DDX10: variants seen among roughly 807,000 people sequenced by gnomAD.
DDX10 encodes DEAD-box helicase 10, also known as probable ATP-dependent RNA helicase DDX10.
Under a neutral mutation model 104.3 loss-of-function variants are expected in DDX10, and 74 were observed. The observed-to-expected ratio is 0.71, with a 90% CI of 0.59 to 0.86. The LOEUF (loss-of-function observed/expected upper bound fraction) is 0.86. DDX10 is among the 40% of genes least tolerant of loss of function. DDX10 has a pLI of 0.00. For synonymous variants in DDX10, 351 were observed against 353.4 expected (o/e 0.99, Z 0.08); for missense variants, 952 against 1,040.0 (o/e 0.92, Z 1.16).
chr11:108,788,377 T>C (rs1214808198), intron 13 of DDX10, among the ~76,000 whole-genome samples: 1 of 152,178 alleles, frequency 6.6e-6, no homozygotes, highest in Non-Finnish European at 1.5e-5. Flanking sequence ...TTTTTTCTTT[T>C]TTGAGCTGGA....
At chr11:108,833,871 A>G (rs1862509708) in intron 13 of DDX10, among the ~76,000 whole-genome samples, 1 of 152,218 alleles carries the variant, frequency 6.6e-6, no homozygotes. Flanking sequence ...ACAGAAAAGT[A>G]GTAAGAAGTA....
At chr11:108,673,652 A>G (rs1362862311) in intron 2 of DDX10, 125 bp downstream of exon 2, 6 of 651,550 alleles carry the variant, frequency 9.2e-6, no homozygotes, top group East Asian at 2.8e-5. Context: ...ATGAAAACCA[A>G]TGAAAATAAG....
intron 13 of DDX10, among the ~76,000 whole-genome samples, chr11:108,802,901 A>C (rs1862043005): frequency 6.6e-6 from 1 of 152,244 alleles, no homozygotes; most frequent in African/African-American, 2.4e-5. Context: ...TTGGGTGTAG[A>C]TACAACTCTT....
At chr11:108,842,076 A>G (rs1334131364) in intron 15 of DDX10, among the ~76,000 whole-genome samples, 1 of 152,216 alleles carries the variant, frequency 6.6e-6, no homozygotes, top group Non-Finnish European at 1.5e-5. Flanking sequence ...CATTAAATTT[A>G]TTATATTAAA....
intron 13 of DDX10, among the ~76,000 whole-genome samples, chr11:108,747,810 T>C (rs1306075162): frequency 2.0e-5 from 3 of 152,168 alleles, no homozygotes; most frequent in Non-Finnish European, 4.4e-5. Context: ...TTCCTCTTGC[T>C]GGAAACATTA....
At chr11:108,872,820 T>TTCTCC (rs1565305030) in intron 16 of DDX10, among the ~76,000 whole-genome samples, 1 of 145,114 alleles carries the variant, frequency 6.9e-6, no homozygotes, top group Admixed American at 7.0e-5. Context: ...TAATTTCCGT[T>TTCTCC]CCCCCCCCCT....
At chr11:108,694,830 G>A (rs2094257485) in intron 9 of DDX10, among the ~76,000 whole-genome samples, 1 of 152,072 alleles carries the variant, frequency 6.6e-6, no homozygotes, top group Middle Eastern at 3.2e-3. Flanking sequence ...GCAGTGAGCC[G>A]AGATCGCACC....
chr11:108,708,571 A>ATT lies in DDX10; in HGVS notation c.1322+1747_1322+1748dup, dbSNP rs202129373. On this transcript the variant is annotated intron_variant, in intron 10 of 17. Transcript: ENST00000322536. ...TTGCTGGTAAATTGGTGTTCATAGT[A>ATT]TTTTTTTTTTTTTTGAGACAGAGTC... Among the ~76,000 whole-genome samples the ATT allele has an allele frequency of 7.7e-3, 1,098 of 143,386 alleles. 27 individuals are homozygous for ATT. Among genetic ancestry groups the ATT allele is most frequent in the Admixed American group, 0.052 (758 of 14,458 alleles). The allele number at this position is 143,386 out of a possible 152,430, so 94.1% of individuals were successfully genotyped here.
At chr11:108,863,593 C>T (rs1372322565) in intron 16 of DDX10, among the ~76,000 whole-genome samples, 1 of 152,140 alleles carries the variant, frequency 6.6e-6, no homozygotes, top group Non-Finnish European at 1.5e-5. Context: ...AGTATATTAT[C>T]GGAAGGCTTC....
At chr11:108,711,775 G>A (rs927534060) in intron 10 of DDX10, among the ~76,000 whole-genome samples, 1 of 152,232 alleles carries the variant, frequency 6.6e-6, no homozygotes, top group Non-Finnish European at 1.5e-5. Flanking sequence ...GAGAAGATGT[G>A]TATTATGTTG....
At chr11:108,916,329 A>G (rs1377669578) in intron 16 of DDX10, among the ~76,000 whole-genome samples, 1 of 152,220 alleles carries the variant, frequency 6.6e-6, no homozygotes, top group African/African-American at 2.4e-5. Flanking sequence ...CAAGTAAACA[A>G]TAAAATAAGC....
chr11:108,712,333 A>G (rs2094285466), intron 10 of DDX10, among the ~76,000 whole-genome samples: 1 of 152,098 alleles, frequency 6.6e-6, no homozygotes, highest in African/African-American at 2.4e-5. Flanking sequence ...TATCTAATGT[A>G]TTCGTTACTG....
intron 15 of DDX10, among the ~76,000 whole-genome samples, chr11:108,844,017 A>AT (rs936999308): frequency 1.3e-5 from 2 of 152,090 alleles, no homozygotes; most frequent in African/African-American, 4.8e-5. Flanking sequence ...ACAGCATGTG[A>AT]TTTTTTAGAC....
chr11:108,703,090 A>G (rs1048687199), intron 9 of DDX10, among the ~76,000 whole-genome samples: 1 of 152,216 alleles, frequency 6.6e-6, no homozygotes, highest in Non-Finnish European at 1.5e-5. Context: ...ACTAGTTAAT[A>G]ATACTGTATT....
At chr11:108,893,675 A>G (rs1863404761) in intron 16 of DDX10, among the ~76,000 whole-genome samples, 1 of 151,944 alleles carries the variant, frequency 6.6e-6, no homozygotes, top group African/African-American at 2.4e-5. Flanking sequence ...AGTCTCAAAT[A>G]TTTATCTTTA....
chr11:108,891,067 T>C (rs190249707), intron 16 of DDX10, among the ~76,000 whole-genome samples: 8 of 152,284 alleles, frequency 5.3e-5, no homozygotes, highest in Admixed American at 5.2e-4. Context: ...CAAATCCACG[T>C]CCTGCCTCTT....
At chr11:108,797,950 C>T (rs1861968621) in intron 13 of DDX10, among the ~76,000 whole-genome samples, 1 of 152,214 alleles carries the variant, frequency 6.6e-6, no homozygotes, top group Admixed American at 6.5e-5. Context: ...CAGGCTGCAT[C>T]CTTCCTCTTA....
At chr11:108,731,563 A>C (rs182563753) in intron 13 of DDX10, among the ~76,000 whole-genome samples, 3 of 145,084 alleles carry the variant, frequency 2.1e-5, no homozygotes, top group African/African-American at 7.7e-5. Flanking sequence ...CCCAGATTGG[A>C]GTGCAATGGT....
At chr11:108,938,328 A>C (rs1289783925) in intron 17 of DDX10, among the ~76,000 whole-genome samples, 1 of 152,160 alleles carries the variant, frequency 6.6e-6, no homozygotes, top group Non-Finnish European at 1.5e-5. Context: ...GGACTACATA[A>C]ATTTTCTACC....
Sources: gnomAD v4.1 joint callset for allele counts (sites outside exome capture counted in the v4.1 genomes callset) on GRCh38, gnomAD v4.1.1 for gene constraint, MANE v1.5 for transcripts, NCBI Gene and HGNC (gene_info 2026-07-23, HGNC 2026-07-21) for gene names.